The following AKT3 variants were observed in gnomAD, a reference collection of about 807,000 sequenced individuals.
AKT3 encodes the protein AKT serine/threonine kinase 3, also known as RAC-gamma serine/threonine-protein kinase.
AKT3 carries 15 observed loss-of-function variants against 65.3 expected under a neutral mutation model. The observed-to-expected ratio is 0.23, with a 90% CI of 0.15 to 0.35. The LOEUF is 0.35. AKT3 is among the 10% of genes least tolerant of loss of function. AKT3 has a pLI of 1.00. For synonymous variants in AKT3, 206 were observed against 183.8 expected, an observed-to-expected ratio of 1.12 and a Z score of -0.98; for missense variants, 243 against 576.5, an observed-to-expected ratio of 0.42 and a Z score of 5.92.
chr1:243,784,937 T>G (rs1691154245), intron 2 of AKT3, among the ~76,000 whole-genome samples: 1 of 152,258 alleles, frequency 6.6e-6, no homozygotes, highest in African/African-American at 2.4e-5. Context: ...TTTTTTATTA[T>G]TATTTCTGTA....
chr1:243,707,116 C>T (rs1685850996), intron 2 of AKT3, among the ~76,000 whole-genome samples: 1 of 152,118 alleles, frequency 6.6e-6, no homozygotes, highest in Non-Finnish European at 1.5e-5. Flanking sequence ...ATTATGTAAG[C>T]ATTTGTTAAC....
At chr1:243,636,280 T>C (rs1390336968) in intron 6 of AKT3, among the ~76,000 whole-genome samples, 1 of 152,112 alleles carries the variant, frequency 6.6e-6, no homozygotes, top group Non-Finnish European at 1.5e-5. Context: ...TTAAGTTTAT[T>C]TAATACTGAT....
chr1:243,799,526 T>A (rs772487995), intron 2 of AKT3, among the ~76,000 whole-genome samples: 1 of 152,194 alleles, frequency 6.6e-6, no homozygotes, highest in Non-Finnish European at 1.5e-5. Flanking sequence ...CAATAAAATA[T>A]ACTTTAGCAT....
At chr1:243,516,199 C>T (rs1670343753) in intron 12 of AKT3, among the ~76,000 whole-genome samples, 1 of 152,220 alleles carries the variant, frequency 6.6e-6, no homozygotes, top group South Asian at 2.1e-4. Context: ...AGGTACAAGG[C>T]TATTCATGAC....
chr1:243,709,260 G>GA (rs1238743961), intron 2 of AKT3, among the ~76,000 whole-genome samples: 143 of 67,502 alleles, frequency 2.1e-3, no homozygotes, highest in East Asian at 2.2e-3. Flanking sequence ...CTCCCATATA[G>GA]AAAAAAAAAA....
intron 2 of AKT3, among the ~76,000 whole-genome samples, chr1:243,729,067 A>G (rs575351049): frequency 6.6e-6 from 1 of 152,324 alleles, no homozygotes; most frequent in African/African-American, 2.4e-5. Context: ...GTTCACGCGG[A>G]TGTCAATGAT....
intron 2 of AKT3, among the ~76,000 whole-genome samples, chr1:243,719,003 T>C (rs958055715): frequency 1.3e-5 from 2 of 152,138 alleles, no homozygotes; most frequent in African/African-American, 4.8e-5. Context: ...TTAGGGATAA[T>C]TCCCCTAAGG....
chr1:243,555,620 A>AT, intron 10 of AKT3, among the ~76,000 whole-genome samples: 1 of 152,050 alleles, frequency 6.6e-6, no homozygotes, highest in East Asian at 1.9e-4. Context: ...ACCTCTGATC[A>AT]TTTTTTTCTA....
At chr1:243,587,267 A>G (rs1675877887) in intron 8 of AKT3, among the ~76,000 whole-genome samples, 1 of 152,220 alleles carries the variant, frequency 6.6e-6, no homozygotes, top group Admixed American at 6.5e-5. Flanking sequence ...AATAGATAGC[A>G]AGATAATTTT....
intron 13 of AKT3, among the ~76,000 whole-genome samples, chr1:243,507,211 G>T (rs2994334): frequency 6.6e-6 from 1 of 152,162 alleles, no homozygotes; most frequent in African/African-American, 2.4e-5. Context: ...ATTCCAGCCC[G>T]GCGAGGTTCA....
intron 2 of AKT3, among the ~76,000 whole-genome samples, chr1:243,779,085 G>T (rs1348102392): frequency 6.6e-6 from 1 of 151,974 alleles, no homozygotes; most frequent in Non-Finnish European, 1.5e-5. Flanking sequence ...CATATATGAA[G>T]AAAATCCAGC....
chr1:243,554,269 G>T (rs985183715), intron 10 of AKT3, among the ~76,000 whole-genome samples: 2 of 152,074 alleles, frequency 1.3e-5, no homozygotes, highest in South Asian at 2.1e-4. Context: ...ATTATGAAAA[G>T]ATTTTTAATT....
intron 2 of AKT3, among the ~76,000 whole-genome samples, chr1:243,727,576 C>G (rs771690042): frequency 1.3e-5 from 2 of 152,250 alleles, no homozygotes; most frequent in East Asian, 1.9e-4. Flanking sequence ...CCACTGCTCC[C>G]AGCCCCAAAA....
At chr1:243,521,040 G>A (rs1670688187) in intron 12 of AKT3, among the ~76,000 whole-genome samples, 1 of 152,158 alleles carries the variant, frequency 6.6e-6, no homozygotes, top group African/African-American at 2.4e-5. Flanking sequence ...AGATTCCACA[G>A]ACCTTTTTTA....
intron 2 of AKT3, among the ~76,000 whole-genome samples, chr1:243,816,844 A>G (rs896430816): frequency 4.6e-5 from 7 of 152,204 alleles, no homozygotes; most frequent in African/African-American, 1.7e-4. Flanking sequence ...ATAAGGTGCT[A>G]TGCTACCATG....
intron 12 of AKT3, among the ~76,000 whole-genome samples, chr1:243,533,847 G>A (rs911976789): frequency 2.2e-4 from 33 of 152,154 alleles, no homozygotes; most frequent in Admixed American, 1.2e-3. Context: ...AAAATTAGCC[G>A]GGCGTGGTGG....
intron 12 of AKT3, among the ~76,000 whole-genome samples, chr1:243,538,525 T>C (rs1273241309): frequency 2.6e-5 from 4 of 152,174 alleles, no homozygotes; most frequent in African/African-American, 9.7e-5. Context: ...GAATTGACTA[T>C]ATGCTGTCTA....
chr1:243,809,880 C>A (rs1314517372), intron 2 of AKT3, among the ~76,000 whole-genome samples: 1 of 152,188 alleles, frequency 6.6e-6, no homozygotes, highest in African/African-American at 2.4e-5. Context: ...TTAAGAAACT[C>A]ACTCAAAATC....
intron 2 of AKT3, among the ~76,000 whole-genome samples, chr1:243,751,540 G>A (rs1290285809): frequency 6.6e-6 from 1 of 151,992 alleles, no homozygotes; most frequent in Non-Finnish European, 1.5e-5. Flanking sequence ...TTTCTCCTTA[G>A]TCTAGTGAAG....
Sources: allele counts gnomAD v4.1 joint callset (sites outside exome capture counted in the v4.1 genomes callset), GRCh38; gene constraint gnomAD v4.1.1; transcripts MANE v1.5; gene names NCBI Gene and HGNC (gene_info 2026-07-23, HGNC 2026-07-21).